The following CSMD2 variants were observed in gnomAD, a reference collection of about 807,000 sequenced individuals.
CSMD2 encodes the protein CUB and sushi domain-containing protein 2.
A neutral mutation model predicts 398.5 loss-of-function variants in CSMD2; 130 were observed. The observed-to-expected ratio is 0.33, with a 90% CI of 0.28 to 0.38. The LOEUF (loss-of-function observed/expected upper bound fraction) is 0.38. Among genes scored for constraint, CSMD2 ranks in the 10% least tolerant of loss-of-function variants. The probability of loss-of-function intolerance (pLI) is 1.00; values close to 1 mark genes in which losing one functional copy is unlikely to be tolerated. For synonymous variants in CSMD2, 1,828 were observed against 1,908.5 expected, an observed-to-expected ratio of 0.96 and a Z score of 1.10; for missense variants, 3,829 against 4,764.9, an observed-to-expected ratio of 0.80 and a Z score of 5.78.
chr1:33,859,121 T>G (rs1639305599), intron 5 of CSMD2, among the ~76,000 whole-genome samples: 1 of 152,254 alleles, frequency 6.6e-6, no homozygotes, highest in Non-Finnish European at 1.5e-5. Context: ...AGTTTCCTAT[T>G]GCTGCCTTAA....
At chr1:33,975,411 G>T (rs1645923152) in intron 3 of CSMD2, among the ~76,000 whole-genome samples, 1 of 151,406 alleles carries the variant, frequency 6.6e-6, no homozygotes, top group African/African-American at 2.4e-5. Context: ...ATAATACACG[G>T]TATTATTTAA....
intron 9 of CSMD2, among the ~76,000 whole-genome samples, chr1:33,818,666 G>A (rs1657752354): frequency 6.6e-6 from 1 of 152,162 alleles, no homozygotes; most frequent in Admixed American, 6.5e-5. Context: ...AAAATGCAAA[G>A]AACATTATAA....
At chr1:33,554,441 C>T (rs1044589477) in intron 55 of CSMD2, among the ~76,000 whole-genome samples, 25 of 152,198 alleles carry the variant, frequency 1.6e-4, no homozygotes, top group African/African-American at 4.8e-4. Context: ...GATCCACCTG[C>T]CTCGGCCTCC....
intron 3 of CSMD2, among the ~76,000 whole-genome samples, chr1:33,993,295 C>G (rs939237305): frequency 6.6e-6 from 1 of 152,300 alleles, no homozygotes; most frequent in Non-Finnish European, 1.5e-5. Flanking sequence ...GCAAAATATA[C>G]TATTAACATT....
At chr1:34,009,439 G>A (rs1479331549) in intron 3 of CSMD2, among the ~76,000 whole-genome samples, 4 of 151,938 alleles carry the variant, frequency 2.6e-5, no homozygotes, top group African/African-American at 9.7e-5. Context: ...ACACTGTGCC[G>A]CCCTGATCTT....
chr1:34,069,046 T>C (rs1655427200), intron 2 of CSMD2, among the ~76,000 whole-genome samples: 1 of 152,156 alleles, frequency 6.6e-6, no homozygotes, highest in Non-Finnish European at 1.5e-5. Flanking sequence ...TTTGACCAGT[T>C]CAGAGGAAAA....
chr1:33,975,410 G>A (rs959733194), intron 3 of CSMD2, among the ~76,000 whole-genome samples: 3 of 150,722 alleles, frequency 2.0e-5, no homozygotes, highest in African/African-American at 7.3e-5. Context: ...CATAATACAC[G>A]GTATTATTTA....
At chr1:34,041,028 G>C (rs1327272435) in intron 2 of CSMD2, among the ~76,000 whole-genome samples, 1 of 152,156 alleles carries the variant, frequency 6.6e-6, no homozygotes, top group Non-Finnish European at 1.5e-5. Context: ...AGGAGTCTGA[G>C]GCAGAAGGAT....
intron 2 of CSMD2, among the ~76,000 whole-genome samples, chr1:34,063,394 C>T (rs1292421017): frequency 6.6e-6 from 1 of 152,200 alleles, no homozygotes; most frequent in Non-Finnish European, 1.5e-5. Flanking sequence ...TATTTCCTAG[C>T]TACATGGCGG....
At chr1:33,707,260 A>T (rs1175197328) in intron 22 of CSMD2, among the ~76,000 whole-genome samples, 2 of 152,186 alleles carry the variant, frequency 1.3e-5, no homozygotes, top group African/African-American at 4.8e-5. Context: ...TCAAAACCTG[A>T]AAATTGTAAA....
At chr1:34,080,859 C>T (rs1312096968) in intron 2 of CSMD2, among the ~76,000 whole-genome samples, 1 of 150,790 alleles carries the variant, frequency 6.6e-6, no homozygotes, top group Non-Finnish European at 1.5e-5. Context: ...ATGGATCACC[C>T]TAGCATTGGA....
At chr1:33,948,811 G>A (rs963301570) in intron 3 of CSMD2, among the ~76,000 whole-genome samples, 3 of 152,184 alleles carry the variant, frequency 2.0e-5, no homozygotes, top group African/African-American at 4.8e-5. Flanking sequence ...GGATAGAGGC[G>A]CAGAGGTAGA....
intron 64 of CSMD2, among the ~76,000 whole-genome samples, chr1:33,527,716 T>C (rs1654898090): frequency 6.6e-6 from 1 of 152,198 alleles, no homozygotes; most frequent in Middle Eastern, 3.2e-3. Flanking sequence ...CTAAGGGTTG[T>C]TGTCTACATT....
chr1:34,057,910 TGGGG>T, intron 2 of CSMD2, among the ~76,000 whole-genome samples: 1 of 152,108 alleles, frequency 6.6e-6, no homozygotes, highest in South Asian at 2.1e-4. Context: ...GCAGGCAAGC[TGGGG>T]GTTGGGGTGA....
chr1:34,155,454 A>G (rs1426641439), intron 1 of CSMD2, among the ~76,000 whole-genome samples: 2 of 151,974 alleles, frequency 1.3e-5, no homozygotes, highest in African/African-American at 4.8e-5. Context: ...CAAGCAGTCA[A>G]CTCTCCGAGA....
At chr1:33,837,778 C>T (rs944668091) in intron 6 of CSMD2, among the ~76,000 whole-genome samples, 2 of 152,226 alleles carry the variant, frequency 1.3e-5, no homozygotes, top group Non-Finnish European at 2.9e-5. Flanking sequence ...AAAGTGCTGG[C>T]TGTAACTGGT....
At chr1:33,915,466 A>C (rs1643674843) in intron 5 of CSMD2, among the ~76,000 whole-genome samples, 1 of 152,224 alleles carries the variant, frequency 6.6e-6, no homozygotes, top group South Asian at 2.1e-4. Context: ...AAATAATTAT[A>C]ATGTAATCTT....
intron 25 of CSMD2, among the ~76,000 whole-genome samples, chr1:33,691,172 A>G (rs931818638): frequency 6.6e-6 from 1 of 152,152 alleles, no homozygotes; most frequent in African/African-American, 2.4e-5. Context: ...CTTTGCCGGA[A>G]TGTCATTGAA....
At chr1:33,946,936 C>G (rs1046559178) in intron 3 of CSMD2, among the ~76,000 whole-genome samples, 1 of 152,078 alleles carries the variant, frequency 6.6e-6, no homozygotes, top group Non-Finnish European at 1.5e-5. Context: ...CGCCCGGCCA[C>G]CTGACAATTT....
Sources: allele counts gnomAD v4.1 joint callset (sites outside exome capture counted in the v4.1 genomes callset), GRCh38; gene constraint gnomAD v4.1.1; transcripts MANE v1.5; gene names NCBI Gene and HGNC (gene_info 2026-07-23, HGNC 2026-07-21).